The following NKIRAS1 variants were observed in gnomAD, a reference collection of about 807,000 sequenced individuals.
NKIRAS1 encodes NF-kappa-B inhibitor-interacting Ras-like protein 1.
Under a neutral mutation model 19.8 loss-of-function variants are expected in NKIRAS1, and 16 were observed. The observed-to-expected ratio is 0.81, with a 90% CI of 0.55 to 1.23. The LOEUF is 1.23. NKIRAS1 is among the 50% of genes most tolerant of loss of function. The pLI is 0.00. For missense variants in NKIRAS1, 184 were observed against 220.0 expected, an observed-to-expected ratio of 0.84 and a Z score of 1.04; for synonymous variants, 88 against 79.0, an observed-to-expected ratio of 1.11 and a Z score of -0.61.
upstream of NKIRAS1, chr3:23,919,091 A>C: frequency 1.3e-6 from 1 of 748,876 alleles, no homozygotes; most frequent in Non-Finnish European, 2.3e-6. Context: ...GAGTAGTAAA[A>C]GACTCTTGTC....
At chr3:23,894,895 C>T (rs536343591) in intron 4 of NKIRAS1, among the ~76,000 whole-genome samples, 6 of 152,310 alleles carry the variant, frequency 3.9e-5, no homozygotes, top group South Asian at 2.1e-4. Flanking sequence ...CTGCTCTCGC[C>T]GTTACTCTGG....
At chr3:23,907,283 G>A (rs1703165279) in intron 3 of NKIRAS1, among the ~76,000 whole-genome samples, 2 of 152,066 alleles carry the variant, frequency 1.3e-5, no homozygotes, top group Non-Finnish European at 2.9e-5. Context: ...TATAAGACAT[G>A]GCAATTAACT....
chr3:23,937,570 C>T (rs1361528511), intron 1 of NKIRAS1, among the ~76,000 whole-genome samples: 2 of 150,416 alleles, frequency 1.3e-5, no homozygotes, highest in Non-Finnish European at 3.0e-5. Context: ...TTTTTTTTCC[C>T]TCACCCCAGG....
chr3:23,907,082 T>C (rs1020315555), intron 3 of NKIRAS1, among the ~76,000 whole-genome samples: 1 of 151,978 alleles, frequency 6.6e-6, no homozygotes, highest in Non-Finnish European at 1.5e-5. Context: ...TTAGTAGAGA[T>C]GGGGTTTCGC....
In NKIRAS1 at chr3:23,927,794, C is replaced by T. The variant is rs892699041; in HGVS notation, c.-139-16344G>A. Among the ~76,000 whole-genome samples, 19 of 152,058 alleles carry T rather than the reference C, an allele frequency of 1.2e-4. No individual in the cohort carries two copies. The highest frequency in any genetic ancestry group is 4.6e-4 in the African/African-American group (19 of 41,392). ...AAGAAAGATTCAAAAAATGATCATC[C>T]AAGGCTGGGCATGGTGGCTCATACC... is the stretch of plus-strand genomic sequence containing the variant. On this transcript the variant is annotated intron_variant, in intron 1 of 4. Coordinates refer to the NKIRAS1 transcript ENST00000421515. This position sits in a 1 kb window ranked among gnomAD's most constrained non-coding sequence, Gnocchi z 4.0.
intron 1 of NKIRAS1, among the ~76,000 whole-genome samples, chr3:23,933,866 G>T (rs1344210290): frequency 6.6e-6 from 1 of 152,114 alleles, no homozygotes; most frequent in African/African-American, 2.4e-5. Flanking sequence ...CTGGTAAAGG[G>T]CCCAGTCTCT....
chr3:23,914,228 T>G (rs1704067243), intron 1 of NKIRAS1, among the ~76,000 whole-genome samples: 1 of 151,642 alleles, frequency 6.6e-6, no homozygotes, highest in South Asian at 2.1e-4. Context: ...TGTGAAATGC[T>G]TTGTCAACAT....
chr3:23,895,861 C>A (rs1033240735), intron 4 of NKIRAS1, among the ~76,000 whole-genome samples: 5 of 152,068 alleles, frequency 3.3e-5, no homozygotes, highest in Non-Finnish European at 7.4e-5. Context: ...TTCAGCCAGG[C>A]ACGGTGACTC....
intron 1 of NKIRAS1, among the ~76,000 whole-genome samples, chr3:23,934,349 G>A (rs1705360491): frequency 6.6e-6 from 1 of 152,164 alleles, no homozygotes; most frequent in Admixed American, 6.5e-5. Flanking sequence ...GCTCTGCCAT[G>A]GGTATAAAGT....
At chr3:23,939,551 G>A (rs1705455886) in intron 1 of NKIRAS1, among the ~76,000 whole-genome samples, 1 of 152,188 alleles carries the variant, frequency 6.6e-6, no homozygotes, top group South Asian at 2.1e-4. Flanking sequence ...AGAACAGCCT[G>A]ACCAACATGG....
exon 1 of NKIRAS1, chr3:23,946,356 G>A (rs1453871805): frequency 2.1e-6 from 2 of 937,738 alleles, no homozygotes; most frequent in Non-Finnish European, 2.5e-6. Context: ...GCAGGACGAG[G>A]GCGTGCTGCA....
chr3:23,921,491 G>C, upstream of NKIRAS1: 3 of 658,276 alleles, frequency 4.6e-6, no homozygotes, highest in South Asian at 5.2e-5. Flanking sequence ...GCTATACCCT[G>C]ACCGCCCCAC....
rs1705206388 is a variant in NKIRAS1 at position 23,926,066 on chromosome 3, T to A, written c.-139-14616A>T. Among the ~76,000 whole-genome samples, 1 of 152,210 alleles carries A rather than the reference T, an allele frequency of 6.6e-6. No individual in the cohort carries two copies. On this transcript the variant is annotated intron_variant, in intron 1 of 4. Transcript: ENST00000421515. The surrounding 1 kb of genome is among the most constrained non-coding windows in gnomAD (Gnocchi z 4.3). ...TTTATTTTTATTTATTTATTTATTT[T>A]TTGAGACAGCGTCTTGCTCTGTCGC...
At chr3:23,904,687 G>A (rs941312137) in intron 3 of NKIRAS1, among the ~76,000 whole-genome samples, 1 of 152,102 alleles carries the variant, frequency 6.6e-6, no homozygotes, top group East Asian at 1.9e-4. Context: ...AAAGCATCAA[G>A]AATCATAATG....
chr3:23,940,589 T>C (rs797021323), intron 1 of NKIRAS1, among the ~76,000 whole-genome samples: 2 of 152,262 alleles, frequency 1.3e-5, no homozygotes, highest in African/African-American at 4.8e-5. Flanking sequence ...ACAGATGTAA[T>C]AGTGGAATGT....
chr3:23,906,574 AAT>A (rs1254353620), intron 3 of NKIRAS1, among the ~76,000 whole-genome samples: 1 of 152,110 alleles, frequency 6.6e-6, no homozygotes, highest in African/African-American at 2.4e-5. Flanking sequence ...ACATAAAAAC[AAT>A]GAGGATGAAG....
intron 1 of NKIRAS1, among the ~76,000 whole-genome samples, chr3:23,939,015 A>G (rs1019327954): frequency 1.3e-5 from 2 of 152,188 alleles, no homozygotes; most frequent in African/African-American, 4.8e-5. Context: ...TTGCCAAGAG[A>G]CCCTGAGCCA....
upstream of NKIRAS1, chr3:23,918,422 G>T (rs36038704): frequency 8.7e-5 from 140 of 1,608,680 alleles, 1 homozygote; most frequent in Non-Finnish European, 1.1e-4. Flanking sequence ...CACTAATTTC[G>T]TGTGTGTTTG....
Position 23,910,890 on chromosome 3 carries a change from G to T in NKIRAS1, c.15C>A (p.Cys5Ter). Residue 5 changes from cysteine to a stop codon, truncating the protein, a stop_gained, in exon 3 of 5, where the codon TGC becomes TGA. Transcript: ENST00000425478. LOFTEE classifies it high-confidence loss of function. ...ATAACAATCCACAAACCACAACCTT[G>T]CAGCCCTTTCCCATCTTCTCTCAGG... MGKG[C>*]KVVVCGLLSV... The T allele has an allele frequency of 6.2e-7, 1 of 1,614,062 alleles. No individual in the cohort carries two copies. The highest frequency in any genetic ancestry group is 8.5e-7 in the Non-Finnish European group (1 of 1,179,968).
Sources: allele counts gnomAD v4.1 joint callset (sites outside exome capture counted in the v4.1 genomes callset), GRCh38; gene constraint gnomAD v4.1.1; non-coding constraint Gnocchi (gnomAD v3.1); transcripts MANE v1.5; gene names NCBI Gene and HGNC (gene_info 2026-07-23, HGNC 2026-07-21).